The following NRXN3 variants were observed in gnomAD, a reference collection of about 807,000 sequenced individuals.
The protein encoded by NRXN3 is neurexin 3, also known as neurexin III.
In NRXN3, 32 loss-of-function variants were observed where a neutral mutation model predicts 137.6. The ratio of observed to expected loss-of-function variants is 0.23; its 90% confidence interval spans 0.18 to 0.31. The LOEUF is 0.31. Among genes scored for constraint, NRXN3 ranks in the 10% least tolerant of loss-of-function variants. The pLI, the probability that NRXN3 is intolerant of heterozygous loss-of-function variation, is 1.00. For synonymous variants in NRXN3, 798 were observed against 784.5 expected (o/e 1.02, Z -0.29); for missense variants, 1,574 against 2,062.5 (o/e 0.76, Z 4.59).
intron 8 of NRXN3, among the ~76,000 whole-genome samples, chr14:78,742,044 A>G (rs2098578243): frequency 6.6e-6 from 1 of 152,174 alleles, no homozygotes; most frequent in Admixed American, 6.5e-5. Flanking sequence ...GTGCAGCCTC[A>G]TTTCAACAAA....
chr14:79,669,745 C>T (rs1272580947), intron 17 of NRXN3, among the ~76,000 whole-genome samples: 1 of 152,024 alleles, frequency 6.6e-6, no homozygotes, highest in Non-Finnish European at 1.5e-5. Context: ...GCATCAGCTT[C>T]CCCTGGGAGC....
intron 19 of NRXN3, among the ~76,000 whole-genome samples, chr14:79,736,202 C>G (rs2098941268): frequency 6.6e-6 from 1 of 152,076 alleles, no homozygotes; most frequent in Non-Finnish European, 1.5e-5. Flanking sequence ...TATTTTCTAC[C>G]AAATAGAATA....
In NRXN3 at chr14:79,862,114, T is replaced by C; in HGVS notation, c.*150T>C. On this transcript the variant is annotated 3_prime_UTR_variant, in exon 21 of 21. Transcript: ENST00000335750. ...GACTCTGGTGGGGAAAACCGTTTTTTAAAGGACACACACACACACAGCGAT... is the reference window on the plus strand; with the variant it reads ...GACTCTGGTGGGGAAAACCGTTTTTCAAAGGACACACACACACACAGCGAT... 1 of 662,812 alleles carries C rather than the reference T, an allele frequency of 1.5e-6. No homozygotes were observed. The highest frequency in any genetic ancestry group is 2.6e-6 in the Non-Finnish European group (1 of 388,178). 41.1% of individuals were successfully genotyped at this position (662,812 alleles called of 1,614,324 possible).
rs1427812963 is a variant in NRXN3 at position 78,987,987 on chromosome 14, T to C, written c.3143-35T>C. The C allele has an allele frequency of 2.5e-6, 4 of 1,592,346 alleles. No homozygotes were observed. The Admixed American group carries it at 7.2e-5, about 29-fold the overall frequency. ...TTTTAACATTTCTTCTCTCTCTCCTTTTTCTTTTTTTCCCCTCTTCTTGTG... is the reference window on the plus strand; with the variant it reads ...TTTTAACATTTCTTCTCTCTCTCCTCTTTCTTTTTTTCCCCTCTTCTTGTG... On this transcript the variant is annotated intron_variant, in intron 14 of 20. Transcript: ENST00000335750.
intron 10 of NRXN3, among the ~76,000 whole-genome samples, chr14:78,835,667 A>T (rs2098994623): frequency 6.6e-6 from 1 of 151,938 alleles, no homozygotes; most frequent in Non-Finnish European, 1.5e-5. Flanking sequence ...TCCCTACTGC[A>T]CTTTCTGTTG....
At chr14:79,557,873 C>T (rs1602075580) in intron 16 of NRXN3, among the ~76,000 whole-genome samples, 2 of 152,232 alleles carry the variant, frequency 1.3e-5, no homozygotes, top group Non-Finnish European at 2.9e-5. Context: ...TGTTTGATAG[C>T]ATTTTCTAAA....
At chr14:78,517,883 C>G (rs1229627047) in intron 4 of NRXN3, among the ~76,000 whole-genome samples, 1 of 152,112 alleles carries the variant, frequency 6.6e-6, no homozygotes, top group African/African-American at 2.4e-5. Context: ...AAAGCTTGTT[C>G]AAAATCTGTA....
At chr14:79,729,865 A>C (rs1262594595) in intron 19 of NRXN3, among the ~76,000 whole-genome samples, 1 of 152,152 alleles carries the variant, frequency 6.6e-6, no homozygotes, top group Non-Finnish European at 1.5e-5. Flanking sequence ...GAAAGAGTCA[A>C]GCTTGTCATC....
At chr14:79,497,201 C>G (rs1385405293) in intron 16 of NRXN3, among the ~76,000 whole-genome samples, 1 of 152,170 alleles carries the variant, frequency 6.6e-6, no homozygotes, top group East Asian at 1.9e-4. Flanking sequence ...ACCATGTTGC[C>G]TATGCTGCTG....
intron 10 of NRXN3, among the ~76,000 whole-genome samples, chr14:78,940,632 A>C (rs981416921): frequency 9.9e-5 from 15 of 152,212 alleles, no homozygotes; most frequent in Admixed American, 9.8e-4. Context: ...TTGTACAACA[A>C]GTTGGCAGAT....
chr14:78,825,235 A>C (rs982904341), intron 10 of NRXN3, among the ~76,000 whole-genome samples: 8 of 151,382 alleles, frequency 5.3e-5, no homozygotes, highest in Non-Finnish European at 1.2e-4. Context: ...AAAAAGAAAA[A>C]TTTGCACCCA....
intron 2 of NRXN3, among the ~76,000 whole-genome samples, chr14:78,249,212 A>G (rs748801847): frequency 3.3e-5 from 5 of 152,134 alleles, no homozygotes; most frequent in African/African-American, 4.8e-5. Context: ...GAAACCGCCC[A>G]CCAGCTGCAG....
chr14:79,112,688 G>A (rs992437426), intron 15 of NRXN3, among the ~76,000 whole-genome samples: 2 of 152,150 alleles, frequency 1.3e-5, no homozygotes, highest in Admixed American at 1.3e-4. Flanking sequence ...AAAAAAGCCA[G>A]GCTAGTCTCT....
rs115906774 is a variant in NRXN3, at chr14:79,676,044, T to A, written c.3616+12095T>A. ...TCTCCTACCCGCACCCTGATTGATATGTCTGTCTTCTAAGTCTTAGAGAGC... is the reference window on the plus strand; with the variant it reads ...TCTCCTACCCGCACCCTGATTGATAAGTCTGTCTTCTAAGTCTTAGAGAGC... On this transcript the variant is annotated intron_variant, in intron 17 of 20. Coordinates refer to ENST00000335750, the MANE Select transcript of NRXN3 (RefSeq NM_001330195.2). Among the ~76,000 whole-genome samples the A allele has an allele frequency of 8.0e-3, 1,214 of 152,220 alleles. 10 individuals are homozygous for A. The highest frequency in any genetic ancestry group is 0.025 in the African/African-American group (1,054 of 41,558).
chr14:78,235,140 G>A (rs1388905278), intron 1 of NRXN3, among the ~76,000 whole-genome samples: 1 of 150,570 alleles, frequency 6.6e-6, no homozygotes, highest in African/African-American at 2.4e-5. Context: ...TGTTTATATT[G>A]GAGGATCAAG....
chr14:78,994,067 G>T (rs1248715357), intron 15 of NRXN3, among the ~76,000 whole-genome samples: 1 of 151,688 alleles, frequency 6.6e-6, no homozygotes. Context: ...TGTTGGCCAG[G>T]CTGGTCTCGA....
intron 15 of NRXN3, among the ~76,000 whole-genome samples, chr14:79,174,269 A>G (rs1488939721): frequency 6.6e-6 from 1 of 152,150 alleles, no homozygotes; most frequent in African/African-American, 2.4e-5. Flanking sequence ...TAAACAATTC[A>G]CAGAAGAAAA....
chr14:79,397,307 A>G (rs1273307906), intron 15 of NRXN3, among the ~76,000 whole-genome samples: 1 of 152,180 alleles, frequency 6.6e-6, no homozygotes, highest in Non-Finnish European at 1.5e-5. Flanking sequence ...CTTTCATGAA[A>G]ATGTTTGTCA....
At chr14:78,532,668 A>G (rs1308150294) in intron 4 of NRXN3, among the ~76,000 whole-genome samples, 2 of 151,134 alleles carry the variant, frequency 1.3e-5, no homozygotes, top group Non-Finnish European at 2.9e-5. Context: ...CTGTGTTCCC[A>G]CCTAGCAAAT....
Sources: gnomAD v4.1 joint callset for allele counts (sites outside exome capture counted in the v4.1 genomes callset) on GRCh38, gnomAD v4.1.1 for gene constraint, MANE v1.5 for transcripts, NCBI Gene and HGNC (gene_info 2026-07-23, HGNC 2026-07-21) for gene names.